Variants in HTR1E observed in about 807,000 individuals in gnomAD.
HTR1E encodes 5-hydroxytryptamine receptor 1E.
A neutral mutation model predicts 3.4 loss-of-function variants in HTR1E; 3 were observed. The ratio of observed to expected loss-of-function variants is 0.89; its 90% confidence interval spans 0.41 to 2.31. HTR1E has a LOEUF of 2.31. Among genes scored for constraint, HTR1E ranks in the 30% most tolerant of loss-of-function variants. HTR1E has a pLI of 0.05. For synonymous variants in HTR1E, 170 were observed against 182.8 expected, an observed-to-expected ratio of 0.93 and a Z score of 0.56; for missense variants, 392 against 467.0, an observed-to-expected ratio of 0.84 and a Z score of 1.48.
At chr6:86,985,018 T>G (rs1368525930) in intron 1 of HTR1E, among the ~76,000 whole-genome samples, 1 of 152,162 alleles carries the variant, frequency 6.6e-6, no homozygotes, top group Non-Finnish European at 1.5e-5. Flanking sequence ...AACACCTATT[T>G]TATTCTGGAT....
At chr6:86,993,643 G>A (rs1434419161) in intron 1 of HTR1E, among the ~76,000 whole-genome samples, 1 of 151,776 alleles carries the variant, frequency 6.6e-6, no homozygotes, top group Non-Finnish European at 1.5e-5. Context: ...ACCACTGCAT[G>A]GCAGCAATCA....
intron 1 of HTR1E, among the ~76,000 whole-genome samples, chr6:87,002,533 G>T (rs1461019898): frequency 6.6e-6 from 1 of 152,180 alleles, no homozygotes; most frequent in East Asian, 1.9e-4. Flanking sequence ...TTTACAGGGT[G>T]CTGATTGGTG....
intron 1 of HTR1E, among the ~76,000 whole-genome samples, chr6:87,010,527 C>A (rs1388386620): frequency 2.9e-5 from 4 of 140,254 alleles, no homozygotes; most frequent in Middle Eastern, 3.7e-3. Flanking sequence ...GGGGCAGAGG[C>A]GCTCCCCACA....
intron 1 of HTR1E, among the ~76,000 whole-genome samples, chr6:86,974,963 T>G (rs1364132835): frequency 1.3e-5 from 2 of 152,158 alleles, no homozygotes; most frequent in African/African-American, 4.8e-5. Flanking sequence ...CATTTTCTCT[T>G]CCCCCAACCT....
In HTR1E at chr6:86,990,656, T is replaced by C. The variant is rs992632993; in HGVS notation, c.-185-24494T>C. Reference sequence around the variant, plus strand: ...CATAAATAGGCATCAATAGTGTATTTATAAAATAATTTCCCCAGAACTAAA... The same window carrying C: ...CATAAATAGGCATCAATAGTGTATTCATAAAATAATTTCCCCAGAACTAAA... On this transcript the variant is annotated intron_variant, in intron 1 of 1. Coordinates refer to ENST00000305344, the MANE Select transcript of HTR1E (RefSeq NM_000865.3). 1.1e-4 allele frequency among the ~76,000 whole-genome samples: 17 copies of C among 152,306 alleles called. 2 individuals are homozygous for C. Among genetic ancestry groups the C allele is most frequent in the Admixed American group, 1.1e-3 (17 of 15,278 alleles).
intron 1 of HTR1E, among the ~76,000 whole-genome samples, chr6:87,003,797 C>A (rs1020916366): frequency 2.6e-5 from 4 of 151,436 alleles, no homozygotes. Flanking sequence ...GAAATTGAAA[C>A]AAAAAATACA....
In HTR1E at chr6:86,982,414, G is replaced by A. The variant is rs1767728240; in HGVS notation, c.-185-32736G>A. ...TTTCTTGGAAATAGATTCTAAGATG[G>A]AGAATTGTGTGCAGAATTTTGGTTG... is the stretch of plus-strand genomic sequence containing the variant. On this transcript the variant is annotated intron_variant, in intron 1 of 1. Transcript: ENST00000305344. Among the ~76,000 whole-genome samples, 9 of 152,286 alleles carry A rather than the reference G, an allele frequency of 5.9e-5. No homozygotes were observed. In the South Asian group the frequency reaches 1.9e-3, roughly 32 times the overall value.
In HTR1E at chr6:86,962,283, A is replaced by G. The variant is rs139135161; in HGVS notation, c.-186+24460A>G. ...CTTGGGTCAGAAATGTCAGAGATGC[A>G]GTGCAAATCATCTTATCAGCTATTT... On this transcript the variant is annotated intron_variant, in intron 1 of 1. Transcript: ENST00000305344. Among the ~76,000 whole-genome samples the G allele has an allele frequency of 3.5e-3, 530 of 152,344 alleles. 1 individual carries two copies. Among genetic ancestry groups the G allele is most frequent in the African/African-American group, 0.012 (509 of 41,576 alleles).
intron 1 of HTR1E, among the ~76,000 whole-genome samples, chr6:87,009,928 G>A (rs1388586679): frequency 1.6e-5 from 2 of 124,150 alleles, no homozygotes; most frequent in Admixed American, 7.5e-5. Flanking sequence ...TGGCCGGGCA[G>A]AGGGGCTCCT....
chr6:86,966,687 G>C (rs1767476054), intron 1 of HTR1E, among the ~76,000 whole-genome samples: 1 of 152,160 alleles, frequency 6.6e-6, no homozygotes, highest in African/African-American at 2.4e-5. Flanking sequence ...GTTGGGGACT[G>C]ATTCAGAAAA....
intron 1 of HTR1E, among the ~76,000 whole-genome samples, chr6:87,013,967 G>A (rs1768277108): frequency 6.6e-6 from 1 of 152,032 alleles, no homozygotes; most frequent in Non-Finnish European, 1.5e-5. Context: ...AGTTAGAATG[G>A]TGATCATTAA....
intron 1 of HTR1E, among the ~76,000 whole-genome samples, chr6:86,939,504 A>G (rs1297646650): frequency 1.3e-5 from 2 of 152,236 alleles, no homozygotes; most frequent in East Asian, 3.9e-4. Flanking sequence ...ATAGATCTCA[A>G]TTGAGACTTC....
intron 1 of HTR1E, among the ~76,000 whole-genome samples, chr6:86,975,019 G>C (rs900833891): frequency 1.1e-4 from 16 of 152,160 alleles, no homozygotes; most frequent in African/African-American, 3.6e-4. Context: ...CCTGAAGAAT[G>C]GTATTTAGAA....
At chr6:86,962,578 C>G (rs890083365) in intron 1 of HTR1E, among the ~76,000 whole-genome samples, 3 of 152,168 alleles carry the variant, frequency 2.0e-5, no homozygotes, top group African/African-American at 4.8e-5. Flanking sequence ...TGGCTCACAC[C>G]TGTAGTCCCA....
chr6:87,013,559 A>G (rs1768270230), intron 1 of HTR1E, among the ~76,000 whole-genome samples: 1 of 152,170 alleles, frequency 6.6e-6, no homozygotes, highest in East Asian at 1.9e-4. Context: ...ATTTACTGTG[A>G]AAGTTTAAAA....
At chr6:86,994,332 A>C (rs1453661408) in intron 1 of HTR1E, among the ~76,000 whole-genome samples, 1 of 152,220 alleles carries the variant, frequency 6.6e-6, no homozygotes, top group Non-Finnish European at 1.5e-5. Flanking sequence ...GACATATCGC[A>C]GTTAAATTTC....
At chr6:86,947,631 A>G (rs1418722240) in intron 1 of HTR1E, among the ~76,000 whole-genome samples, 1 of 151,868 alleles carries the variant, frequency 6.6e-6, no homozygotes, top group Non-Finnish European at 1.5e-5. Flanking sequence ...TAGGGAGAAA[A>G]GAGTGGTTTC....
intron 1 of HTR1E, among the ~76,000 whole-genome samples, chr6:86,971,663 T>A (rs1259023613): frequency 6.6e-6 from 1 of 152,126 alleles, no homozygotes; most frequent in African/African-American, 2.4e-5. Context: ...ATGAAAAAGA[T>A]AATTATTGTG....
rs761995231 is a variant in HTR1E, at chr6:87,016,422, A to C, written c.1088A>C (p.Glu363Ala). ...LAFKKLIRCR[E>A]HT Reference sequence around the variant, plus strand: ...TTTAAAAAGCTCATTAGATGCCGAGAGCATACTTAGACTGTAAAAAGCTAA... The same window carrying C: ...TTTAAAAAGCTCATTAGATGCCGAGCGCATACTTAGACTGTAAAAAGCTAA... Residue 363 changes from glutamate (E) to alanine (A), a missense_variant, in exon 2 of 2, where the codon GAG (glutamate) becomes GCG (alanine). By Grantham distance (107) the Glu-to-Ala change is moderately radical. Transcript: ENST00000305344. 114 of 1,599,696 alleles carry C rather than the reference A, an allele frequency of 7.1e-5. 2 individuals are homozygous for C. In the Middle Eastern group the frequency reaches 2.0e-3, roughly 28 times the overall value.
Sources: allele counts gnomAD v4.1 joint callset (sites outside exome capture counted in the v4.1 genomes callset), GRCh38; gene constraint gnomAD v4.1.1; transcripts MANE v1.5; gene names NCBI Gene and HGNC (gene_info 2026-07-23, HGNC 2026-07-21).